RNF157: variants seen among roughly 807,000 people sequenced by gnomAD.
RNF157 encodes ring finger protein 157, also known as E3 ubiquitin ligase RNF157.
RNF157 carries 55 observed loss-of-function variants against 88.3 expected under a neutral mutation model. The observed-to-expected ratio is 0.62, with a 90% CI of 0.50 to 0.78. The LOEUF is 0.78. RNF157 is among the 30% of genes least tolerant of loss of function. RNF157 has a pLI of 0.00. For synonymous variants in RNF157, 334 were observed against 341.2 expected (o/e 0.98, Z 0.23); for missense variants, 788 against 860.8 (o/e 0.92, Z 1.06).
At chr17:76,150,847 G>A (rs567235408) in intron 18 of RNF157, among the ~76,000 whole-genome samples, 4 of 152,358 alleles carry the variant, frequency 2.6e-5, no homozygotes, top group Non-Finnish European at 4.4e-5. Context: ...AGGTGTGTGC[G>A]TGCCCAGCAA....
intron 2 of RNF157, among the ~76,000 whole-genome samples, chr17:76,208,196 T>C (rs2069714393): frequency 1.3e-5 from 2 of 152,184 alleles, no homozygotes; most frequent in African/African-American, 2.4e-5. Context: ...CAGCTGGGAC[T>C]ACAGGCATGA....
chr17:76,211,825 G>A (rs1203912412), intron 2 of RNF157: 1 of 152,246 alleles, frequency 6.6e-6, no homozygotes, highest in Non-Finnish European at 1.5e-5. Context: ...TTATGAGAAG[G>A]AACAAGTGAG....
At chr17:76,225,826 C>A in intron 1 of RNF157, 4 of 1,604,032 alleles carry the variant, frequency 2.5e-6, no homozygotes, top group Non-Finnish European at 3.4e-6. Flanking sequence ...TCTCCTTGGC[C>A]AGGGAATCTG....
At chr17:76,154,749 C>T (rs969232768) in intron 16 of RNF157, 1 of 224,480 alleles carries the variant, frequency 4.5e-6, no homozygotes, top group Non-Finnish European at 8.8e-6. Context: ...CTAGGGCTCT[C>T]ACTGTGAGCT....
At chr17:76,239,873 AC>A (rs2070347827) in intron 1 of RNF157, among the ~76,000 whole-genome samples, 1 of 152,054 alleles carries the variant, frequency 6.6e-6, no homozygotes. Flanking sequence ...CGTCCCCGTC[AC>A]GGGGCCGATT....
chr17:76,226,409 A>T (rs6501868), intron 1 of RNF157: 1 of 1,593,270 alleles, frequency 6.3e-7, no homozygotes, highest in Non-Finnish European at 8.6e-7. Flanking sequence ...CTGGGGGGGC[A>T]CCTTATTAGT....
intron 1 of RNF157, among the ~76,000 whole-genome samples, chr17:76,219,092 T>G (rs2069938713): frequency 6.6e-6 from 1 of 151,612 alleles, no homozygotes; most frequent in Non-Finnish European, 1.5e-5. Flanking sequence ...AATGCTGGAG[T>G]AAAGAGGAGA....
intron 1 of RNF157, among the ~76,000 whole-genome samples, chr17:76,219,037 G>C (rs2069937919): frequency 6.6e-6 from 1 of 152,112 alleles, no homozygotes; most frequent in Non-Finnish European, 1.5e-5. Context: ...GAATATGTTT[G>C]CTGACAAACT....
chr17:76,226,786 C>T, intron 1 of RNF157: 1 of 1,562,908 alleles, frequency 6.4e-7, no homozygotes, highest in South Asian at 1.2e-5. Context: ...CCTCGTTGCT[C>T]AGGAAGCTCA....
intron 2 of RNF157, among the ~76,000 whole-genome samples, chr17:76,204,678 T>C (rs1225653394): frequency 6.6e-6 from 1 of 152,194 alleles, no homozygotes; most frequent in Non-Finnish European, 1.5e-5. Flanking sequence ...GATAATAGGG[T>C]TCAATTTACA....
At chr17:76,190,506 C>T (rs950472416) in intron 2 of RNF157, among the ~76,000 whole-genome samples, 5 of 151,388 alleles carry the variant, frequency 3.3e-5, no homozygotes, top group Admixed American at 2.6e-4. Context: ...GGCACAGTGT[C>T]CAGGGAAATC....
At chr17:76,158,868 T>C (rs1052921713) in intron 12 of RNF157, among the ~76,000 whole-genome samples, 1 of 152,122 alleles carries the variant, frequency 6.6e-6, no homozygotes, top group Non-Finnish European at 1.5e-5. Flanking sequence ...TATCTAAACT[T>C]GGGAAAAACC....
At chr17:76,158,317 G>A in intron 13 of RNF157, 76 bp downstream of exon 13, 1 of 932,272 alleles carries the variant, frequency 1.1e-6, no homozygotes. Context: ...AGAGCAGAGG[G>A]ACCTGATGAG....
At chr17:76,226,232 T>C (rs1370257750) in intron 1 of RNF157, 7 of 1,611,752 alleles carry the variant, frequency 4.3e-6, no homozygotes, top group Non-Finnish European at 5.9e-6. Context: ...CGGCTTCCTA[T>C]CTTCTTCAGT....
chr17:76,234,853 G>A (rs2070255046), intron 1 of RNF157, among the ~76,000 whole-genome samples: 1 of 152,136 alleles, frequency 6.6e-6, no homozygotes, highest in African/African-American at 2.4e-5. Context: ...TTTTGGTGAT[G>A]TAAAGAATAG....
At chr17:76,216,894 A>AC (rs2069898449) in intron 1 of RNF157, among the ~76,000 whole-genome samples, 1 of 152,022 alleles carries the variant, frequency 6.6e-6, no homozygotes, top group East Asian at 1.9e-4. Context: ...CTGTGTCAAA[A>AC]AAAAACAAAA....
At position 76,182,451 on chromosome 17, in the gene RNF157, C is replaced by CTGTGTGTGTGTG. The variant is rs5822121; in HGVS notation, c.208-8673_208-8662dup. Among the ~76,000 whole-genome samples the CTGTGTGTGTGTG allele has an allele frequency of 2.8e-3, 399 of 144,112 alleles. 3 individuals are homozygous for CTGTGTGTGTGTG. The highest frequency in any genetic ancestry group is 8.2e-3 in the East Asian group (40 of 4,860). The allele number at this position is 144,112 out of a possible 152,430, so 94.5% of individuals were successfully genotyped here. On this transcript the variant is annotated intron_variant, in intron 2 of 18. Coordinates refer to ENST00000269391, the MANE Select transcript of RNF157 (RefSeq NM_052916.3). Reference sequence around the variant, plus strand: ...ACACATGGGCACACACGCATTTAGTCTGTGTGTGTGTGTGTGTGTGTGTGT... The same window carrying CTGTGTGTGTGTG: ...ACACATGGGCACACACGCATTTAGTCTGTGTGTGTGTGTGTGTGTGTGTGTGTGTGTGTGTGT...
rs1369796359 is a variant in RNF157 at position 76,159,575 on chromosome 17, T to C, written c.1066-2A>G. ...GCCTGGTGGAATATTCTCTGAGGAC[T>C]AGGGGAATCAGAGACAGGTTGAAAA... On this transcript the variant is annotated splice_acceptor_variant, in intron 11 of 18. Coordinates refer to ENST00000269391, the MANE Select transcript of RNF157 (RefSeq NM_052916.3). LOFTEE classifies it high-confidence loss of function. The C allele has an allele frequency of 6.3e-7, 1 of 1,580,304 alleles. No homozygotes were observed. Among genetic ancestry groups the C allele is most frequent in the Non-Finnish European group, 8.6e-7 (1 of 1,158,536 alleles).
At chr17:76,183,233 G>C (rs376476911) in intron 2 of RNF157, among the ~76,000 whole-genome samples, 1 of 151,916 alleles carries the variant, frequency 6.6e-6, no homozygotes, top group African/African-American at 2.4e-5. Flanking sequence ...CACCACGCCC[G>C]GCCTCACGTG....
Sources: gnomAD v4.1 joint callset for allele counts (sites outside exome capture counted in the v4.1 genomes callset) on GRCh38, gnomAD v4.1.1 for gene constraint, MANE v1.5 for transcripts, NCBI Gene and HGNC (gene_info 2026-07-23, HGNC 2026-07-21) for gene names.